The following STX8 variants were observed in gnomAD, a reference collection of about 807,000 sequenced individuals.
The protein encoded by STX8 is syntaxin-8.
In STX8, 23 loss-of-function variants were observed where a neutral mutation model predicts 37.5. The observed-to-expected ratio is 0.61, with a 90% CI of 0.44 to 0.87. STX8 has a LOEUF of 0.87. Among genes scored for constraint, STX8 ranks in the 40% least tolerant of loss-of-function variants. The pLI, the probability that STX8 is intolerant of heterozygous loss-of-function variation, is 0.00. For synonymous variants in STX8, 115 were observed against 99.1 expected, an observed-to-expected ratio of 1.16 and a Z score of -0.95; for missense variants, 313 against 284.7, an observed-to-expected ratio of 1.10 and a Z score of -0.71.
chr17:9,504,844 C>T (rs527447351), intron 5 of STX8, among the ~76,000 whole-genome samples, 194 bp downstream of exon 5: 10 of 151,644 alleles, frequency 6.6e-5, no homozygotes, highest in South Asian at 2.1e-4. Flanking sequence ...CATGGTGGCA[C>T]GCACCTGTAG....
In STX8 at chr17:9,474,758, G is replaced by C. The variant is rs1906028629; in HGVS notation, c.541+17071C>G. 2.0e-5 allele frequency among the ~76,000 whole-genome samples: 3 copies of C among 152,326 alleles called. No individual in the cohort carries two copies. The South Asian group carries it at 6.2e-4, about 32-fold the overall frequency. On this transcript the variant is annotated intron_variant, in intron 6 of 7. Transcript: ENST00000306357. ...GAGGCTGAAGCGGGCAGATCATGAG[G>C]TCAGGAGATCGAGACCATCCTGGCT...
At chr17:9,286,877 T>C (rs2142158521) in intron 7 of STX8, among the ~76,000 whole-genome samples, 1 of 152,288 alleles carries the variant, frequency 6.6e-6, no homozygotes, top group African/African-American at 2.4e-5. Context: ...GAGCTGAGGC[T>C]ATGCCACTGA....
At chr17:9,389,743 TTAA>T (rs1346580777) in intron 6 of STX8, among the ~76,000 whole-genome samples, 7 of 149,236 alleles carry the variant, frequency 4.7e-5, no homozygotes, top group African/African-American at 1.8e-4. Flanking sequence ...GCTTATGTTC[TTAA>T]TAATATTTGA....
At chr17:9,438,756 C>A (rs908577643) in intron 6 of STX8, among the ~76,000 whole-genome samples, 1 of 151,850 alleles carries the variant, frequency 6.6e-6, no homozygotes, top group African/African-American at 2.4e-5. Flanking sequence ...GTGAAACCCC[C>A]GTCTCTATTA....
At chr17:9,553,544 T>C (rs1025908537) in intron 3 of STX8, 1 of 152,202 alleles carries the variant, frequency 6.6e-6, no homozygotes, top group African/African-American at 2.4e-5. Context: ...TAAGGAAATG[T>C]GGTATTCAAA....
At chr17:9,466,541 A>G (rs921001877) in intron 6 of STX8, among the ~76,000 whole-genome samples, 3 of 152,174 alleles carry the variant, frequency 2.0e-5, no homozygotes, top group Admixed American at 2.0e-4. Context: ...AGCACTGGAG[A>G]GACATTTGCT....
chr17:9,357,852 C>A (rs1295217216), intron 7 of STX8, among the ~76,000 whole-genome samples: 1 of 152,174 alleles, frequency 6.6e-6, no homozygotes, highest in Non-Finnish European at 1.5e-5. Context: ...AGTCATACAT[C>A]TCTAGAAGAT....
intron 7 of STX8, among the ~76,000 whole-genome samples, chr17:9,357,962 T>C (rs953996170): frequency 2.6e-5 from 4 of 152,196 alleles, no homozygotes; most frequent in Admixed American, 6.5e-5. Context: ...AAAGTTTGAC[T>C]GCTACAAAAA....
At chr17:9,309,546 C>A (rs1909119789) in intron 7 of STX8, among the ~76,000 whole-genome samples, 1 of 152,130 alleles carries the variant, frequency 6.6e-6, no homozygotes, top group Non-Finnish European at 1.5e-5. Context: ...GGAAATTCAT[C>A]CCCCTAAATC....
At chr17:9,363,272 T>C (rs1911126087) in intron 7 of STX8, among the ~76,000 whole-genome samples, 1 of 152,230 alleles carries the variant, frequency 6.6e-6, no homozygotes, top group Non-Finnish European at 1.5e-5. Context: ...GACCCAGGCT[T>C]AGCCAGCTTT....
At chr17:9,373,561 A>T (rs1295958233) in intron 7 of STX8, among the ~76,000 whole-genome samples, 1 of 152,220 alleles carries the variant, frequency 6.6e-6, no homozygotes, top group Non-Finnish European at 1.5e-5. Flanking sequence ...ATATCTACAG[A>T]GACAGAAAGT....
At chr17:9,269,585 A>T (rs1907376130) in intron 7 of STX8, among the ~76,000 whole-genome samples, 1 of 152,238 alleles carries the variant, frequency 6.6e-6, no homozygotes, top group South Asian at 2.1e-4. Context: ...ACTCTTCTGG[A>T]AAAAAGTAAG....
intron 6 of STX8, among the ~76,000 whole-genome samples, chr17:9,430,161 AAATATATATAATTT>A (rs1913902036): frequency 1.8e-5 from 2 of 113,174 alleles, no homozygotes; most frequent in African/African-American, 7.0e-5. Flanking sequence ...ATAAAATATA[AAATATATATAATTT>A]ATATATAAAT....
At chr17:9,281,771 T>A (rs368198074) in intron 7 of STX8, among the ~76,000 whole-genome samples, 1 of 152,158 alleles carries the variant, frequency 6.6e-6, no homozygotes, top group East Asian at 1.9e-4. Context: ...CCATCTCTAT[T>A]AAAAATACAA....
At chr17:9,379,121 T>C (rs1419658052) in intron 6 of STX8, among the ~76,000 whole-genome samples, 1 of 151,726 alleles carries the variant, frequency 6.6e-6, no homozygotes, top group African/African-American at 2.4e-5. Context: ...GGTGTGCACC[T>C]GTAATCCCAG....
rs150783149 is a variant in STX8, at chr17:9,269,271, C to T, written c.644-18626G>A. Among the ~76,000 whole-genome samples the T allele has an allele frequency of 2.3e-3, 349 of 152,056 alleles. 3 individuals are homozygous for T. Among genetic ancestry groups the T allele is most frequent in the African/African-American group, 8.2e-3 (339 of 41,476 alleles). On this transcript the variant is annotated intron_variant, in intron 7 of 7. Transcript: ENST00000306357. ...GACTGGGAAATGATTGCATCTGGAGCGTCACTTCTGAGGATAAGGTGATTG... is the reference window on the plus strand; with the variant it reads ...GACTGGGAAATGATTGCATCTGGAGTGTCACTTCTGAGGATAAGGTGATTG...
intron 6 of STX8, among the ~76,000 whole-genome samples, chr17:9,463,123 G>A (rs190294185): frequency 1.3e-5 from 2 of 152,316 alleles, no homozygotes; most frequent in Admixed American, 6.5e-5. Context: ...ACATCCCTAT[G>A]CCTAGCTGGC....
intron 6 of STX8, among the ~76,000 whole-genome samples, chr17:9,455,886 G>A (rs1018797593): frequency 6.6e-6 from 1 of 152,122 alleles, no homozygotes; most frequent in African/African-American, 2.4e-5. Context: ...GGGGAGGTAC[G>A]CAACCAATAA....
chr17:9,500,865 C>T (rs1597711217), intron 5 of STX8, among the ~76,000 whole-genome samples: 1 of 151,992 alleles, frequency 6.6e-6, no homozygotes, highest in Non-Finnish European at 1.5e-5. Context: ...ATTAGCCGCG[C>T]GTGGTGGCGG....
Sources: allele counts gnomAD v4.1 joint callset (sites outside exome capture counted in the v4.1 genomes callset), GRCh38; gene constraint gnomAD v4.1.1; transcripts MANE v1.5; gene names NCBI Gene and HGNC (gene_info 2026-07-23, HGNC 2026-07-21).